The following PDP2 variants were observed in gnomAD, a reference collection of about 807,000 sequenced individuals.
PDP2 encodes [Pyruvate dehydrogenase [acetyl-transferring]]-phosphatase 2, mitochondrial.
A neutral mutation model predicts 34.2 loss-of-function variants in PDP2; 23 were observed. That is an observed-to-expected ratio of 0.67 (90% CI 0.48 to 0.95). The LOEUF (loss-of-function observed/expected upper bound fraction) is 0.95. PDP2 is among the 40% of genes least tolerant of loss of function. PDP2 has a pLI of 0.00. For synonymous variants in PDP2, 275 were observed against 269.2 expected, an observed-to-expected ratio of 1.02 and a Z score of -0.21; for missense variants, 571 against 659.6, an observed-to-expected ratio of 0.87 and a Z score of 1.47.
chr16:66,887,420 T>G lies in PDP2; in HGVS notation c.*1546T>G, dbSNP rs894791853. The G allele has an allele frequency of 1.2e-5, 2 of 167,054 alleles. No individual in the cohort carries two copies. The highest frequency in any genetic ancestry group is 4.8e-5 in the African/African-American group (2 of 41,454). The allele number at this position is 167,054 out of a possible 1,614,324, so 10.3% of individuals were successfully genotyped here. A position where few individuals can be genotyped will look rare whatever the true frequency, so the allele number is the denominator to read the frequency against. ...TTCAATTAAGTTGAACTACATTTGTTGATCCCTTTTCTCATCTTACCCCTT... is the reference window on the plus strand; with the variant it reads ...TTCAATTAAGTTGAACTACATTTGTGGATCCCTTTTCTCATCTTACCCCTT... On this transcript the variant is annotated 3_prime_UTR_variant, in exon 2 of 2. Coordinates refer to ENST00000311765, the MANE Select transcript of PDP2 (RefSeq NM_020786.4).
chr16:66,884,705 G>A lies in PDP2; in HGVS notation c.421G>A (p.Asp141Asn), dbSNP rs1239222072. The change falls in exon 2 of 2, where the codon GAT becomes AAT. Residue 141 changes from aspartate to asparagine, a missense_variant. Coordinates refer to ENST00000311765, the MANE Select transcript of PDP2 (RefSeq NM_020786.4). ...QTNGLMFGIF[D>N]GHGGHACAQA... ...CAATGGACTGATGTTTGGCATCTTC[G>A]ATGGACATGGTGGTCATGCATGTGC... The A allele has an allele frequency of 5.0e-6, 8 of 1,614,174 alleles. No homozygotes were observed. Among genetic ancestry groups the A allele is most frequent in the Middle Eastern group, 1.6e-4 (1 of 6,062 alleles).
chr16:66,885,629 G>C lies in PDP2; in HGVS notation c.1345G>C (p.Gly449Arg), dbSNP rs139998294. Residue 449 changes from glycine (G) to arginine (R), a missense_variant, in exon 2 of 2, where the codon GGG (glycine) becomes CGG (arginine). Around this residue, in one of 2 missense-constraint regions of PDP2, gnomAD observed 281 missense variants for 375.8 expected, o/e 0.75. Coordinates refer to ENST00000311765, the MANE Select transcript of PDP2 (RefSeq NM_020786.4). The surrounding 1 kb of genome is among the most constrained non-coding windows in gnomAD (Gnocchi z 4.6). ...TDLAQRPANLGLMQSLLLQRK... is the reference protein window; with the variant it reads ...TDLAQRPANLRLMQSLLLQRK... Reference sequence around the variant, plus strand: ...CCTGGCCCAGAGACCCGCCAACTTGGGGCTCATGCAGAGCCTGCTGCTGCA... The same window carrying C: ...CCTGGCCCAGAGACCCGCCAACTTGCGGCTCATGCAGAGCCTGCTGCTGCA... 1.2e-4 allele frequency: 194 copies of C among 1,614,056 alleles called. 1 individual carries two copies. In the African/African-American group the frequency reaches 2.0e-3, roughly 17 times the overall value.
intron 1 of PDP2, among the ~76,000 whole-genome samples, chr16:66,882,616 T>G (rs1162680390): frequency 6.6e-6 from 1 of 151,580 alleles, no homozygotes; most frequent in Non-Finnish European, 1.5e-5. Context: ...ATAACTGGAG[T>G]GTTACCTCAT....
In PDP2 at chr16:66,884,591, C is replaced by T; in HGVS notation, c.307C>T (p.Pro103Ser). Reference sequence around the variant, plus strand: ...GATTCTTGACCTTGAAAGCAGAGTCCCAAATTCAGTGTTGCGGTTTGAGAG... The same window carrying T: ...GATTCTTGACCTTGAAAGCAGAGTCTCAAATTCAGTGTTGCGGTTTGAGAG... ...HKILDLESRV[P>S]NSVLRFESNQ... The change falls in exon 2 of 2, where the codon CCA becomes TCA. Residue 103 changes from proline to serine, a missense_variant. By Grantham distance (74) the Pro-to-Ser change is moderately conservative. Around this residue, in one of 2 missense-constraint regions of PDP2, gnomAD observed 290 missense variants for 283.8 expected, o/e 1.02. Coordinates refer to ENST00000311765, the MANE Select transcript of PDP2 (RefSeq NM_020786.4). 3.1e-6 allele frequency: 5 copies of T among 1,614,230 alleles called. No individual in the cohort carries two copies. The highest frequency in any genetic ancestry group is 4.2e-6 in the Non-Finnish European group (5 of 1,180,048).
Position 66,885,577 on chromosome 16 carries a change from G to C in PDP2, c.1293G>C (p.Leu431=). 12 of 1,614,112 alleles carry C rather than the reference G, an allele frequency of 7.4e-6. No individual in the cohort carries two copies. The highest frequency in any genetic ancestry group is 8.5e-6 in the Non-Finnish European group (10 of 1,180,034). ...TGGTAAGGCTGGTGGTGGGGCACCTGGCTGAGGCAGATTGGCACAAGACAG... is the reference window on the plus strand; with the variant it reads ...TGGTAAGGCTGGTGGTGGGGCACCTCGCTGAGGCAGATTGGCACAAGACAG... ...EDVVRLVVGH[L]AEADWHKTDL... The change falls in exon 2 of 2, where the codon CTG becomes CTC. Residue 431 remains leucine (L), a synonymous_variant. Transcript: ENST00000311765. This position sits in a 1 kb window ranked among gnomAD's most constrained non-coding sequence, Gnocchi z 4.6.
chr16:66,890,428 T>C lies in PDP2; in HGVS notation c.*4554T>C, dbSNP rs1007862541. On this transcript the variant is annotated 3_prime_UTR_variant, in exon 2 of 2. Transcript: ENST00000311765. ...TGAGGTATGTTAATATATAAACATC[T>C]TTTTCCTTTGGCCTAAAAGGTCTTT... 1 of 152,348 alleles carries C rather than the reference T, an allele frequency of 6.6e-6. No homozygotes were observed. Among genetic ancestry groups the C allele is most frequent in the African/African-American group, 2.4e-5 (1 of 41,578 alleles). The allele number at this position is 152,348 out of a possible 1,614,324, so 9.4% of individuals were successfully genotyped here.
Position 66,887,730 on chromosome 16 carries a change from A to G in PDP2, c.*1856A>G, listed in dbSNP as rs1427910444. The stretch of plus-strand genomic sequence containing the variant: ...CACTGTGGGAGGCCGAGGCGGATGG[A>G]TCACCTGAGGTCGGGAATTCGAGAC... On this transcript the variant is annotated 3_prime_UTR_variant, in exon 2 of 2. Coordinates refer to ENST00000311765, the MANE Select transcript of PDP2 (RefSeq NM_020786.4). 1 of 166,350 alleles carries G rather than the reference A, an allele frequency of 6.0e-6. No homozygotes were observed. The highest frequency in any genetic ancestry group is 1.5e-5 in the Non-Finnish European group (1 of 68,132). The allele number at this position is 166,350 out of a possible 1,614,324, so 10.3% of individuals were successfully genotyped here. A position where few individuals can be genotyped will look rare whatever the true frequency, so the allele number is the denominator to read the frequency against.
Position 66,884,639 on chromosome 16 carries a change from C to T in PDP2, c.355C>T (p.Pro119Ser), listed in dbSNP as rs1961663508. ...GAGCAACCAGCTGGCTGCCAATTCCCCAGTGGAGGACCGGCGAGGTGTAGC... is the reference window on the plus strand; with the variant it reads ...GAGCAACCAGCTGGCTGCCAATTCCTCAGTGGAGGACCGGCGAGGTGTAGC... ...FESNQLAANS[P>S]VEDRRGVASC... is the part of the protein sequence containing the mutation. Residue 119 changes from proline (P) to serine (S), a missense_variant, in exon 2 of 2, where the codon CCA becomes TCA. Pro to Ser is a moderately conservative substitution (Grantham distance 74, BLOSUM62 -1). Around this residue, in one of 2 missense-constraint regions of PDP2, gnomAD observed 290 missense variants for 283.8 expected, o/e 1.02. Coordinates refer to ENST00000311765, the MANE Select transcript of PDP2 (RefSeq NM_020786.4). 6.2e-7 allele frequency: 1 copy of T among 1,614,112 alleles called. No individual in the cohort carries two copies. The highest frequency in any genetic ancestry group is 8.5e-7 in the Non-Finnish European group (1 of 1,180,046).
rs1299543496 is a variant in PDP2 at position 66,889,829 on chromosome 16, A to G, written c.*3955A>G. On this transcript the variant is annotated 3_prime_UTR_variant, in exon 2 of 2. Coordinates refer to ENST00000311765, the MANE Select transcript of PDP2 (RefSeq NM_020786.4). ...AAAAAAAAAAATAGCCAGGTGTGGC[A>G]CATGCCTGTAGTCTCAGCTGCTTGG... is the stretch of plus-strand genomic sequence containing the variant. 1.3e-5 allele frequency: 2 copies of G among 151,326 alleles called. No individual in the cohort carries two copies. The highest frequency in any genetic ancestry group is 3.9e-4 in the East Asian group (2 of 5,158). 9.4% of individuals were successfully genotyped at this position (151,326 alleles called of 1,614,324 possible).
chr16:66,881,343 G>A (rs1159172782), intron 1 of PDP2, among the ~76,000 whole-genome samples: 1 of 151,856 alleles, frequency 6.6e-6, no homozygotes, highest in African/African-American at 2.4e-5. Flanking sequence ...TTGAGGTCCC[G>A]ACAAATGATC....
rs757584581 is a variant in PDP2, at chr16:66,884,509, G to A, written c.225G>A (p.Leu75=). 4 of 1,614,196 alleles carry A rather than the reference G, an allele frequency of 2.5e-6. No homozygotes were observed. Among genetic ancestry groups the A allele is most frequent in the Middle Eastern group, 1.6e-4 (1 of 6,062 alleles). ...CAACAGAGGAAGATGATTTTCACTTGCAACTCAGCCCTGAGCAGATAAATG... is the reference window on the plus strand; with the variant it reads ...CAACAGAGGAAGATGATTTTCACTTACAACTCAGCCCTGAGCAGATAAATG... ...HTSTEEDDFH[L]QLSPEQINEV... Residue 75 remains leucine, a synonymous_variant, in exon 2 of 2, where the codon TTG becomes TTA. Transcript: ENST00000311765.
At position 66,888,740 on chromosome 16, in the gene PDP2, T is replaced by G. The variant is rs1244356492; in HGVS notation, c.*2866T>G. On this transcript the variant is annotated 3_prime_UTR_variant, in exon 2 of 2. Coordinates refer to ENST00000311765, the MANE Select transcript of PDP2 (RefSeq NM_020786.4). Reference sequence around the variant, plus strand: ...TAAACCCTGGAGTATCCTTGAAGCCTTTACTGGCATACAGAGTACCTGAAT... The same window carrying G: ...TAAACCCTGGAGTATCCTTGAAGCCGTTACTGGCATACAGAGTACCTGAAT... 1.3e-5 allele frequency: 2 copies of G among 152,230 alleles called. No homozygotes were observed. The highest frequency in any genetic ancestry group is 2.9e-5 in the Non-Finnish European group (2 of 68,042). 9.4% of individuals were successfully genotyped at this position (152,230 alleles called of 1,614,324 possible).
Position 66,885,361 on chromosome 16 carries a change from G to T in PDP2, c.1077G>T (p.Leu359Phe), listed in dbSNP as rs1215652558. ...GDVQLKWSKE[L>F]QRSILERGFN... ...TTCAGCTGAAGTGGAGTAAAGAGTT[G>T]CAGCGCAGCATTCTGGAGAGGGGCT... Residue 359 changes from leucine to phenylalanine, a missense_variant, in exon 2 of 2, where the codon TTG (leucine) becomes TTT (phenylalanine). Leu to Phe is a conservative substitution (Grantham distance 22). This residue lies in a region of PDP2 where 281 missense variants were observed against 375.8 expected (regional missense o/e 0.75). Transcript: ENST00000311765. The surrounding 1 kb of genome is among the most constrained non-coding windows in gnomAD (Gnocchi z 4.6). The T allele has an allele frequency of 1.9e-6, 3 of 1,614,070 alleles. No homozygotes were observed. Among genetic ancestry groups the T allele is most frequent in the East Asian group, 2.2e-5 (1 of 44,882 alleles).
At chr16:66,881,009 C>T (rs1473885501) in intron 1 of PDP2, among the ~76,000 whole-genome samples, 2 of 152,340 alleles carry the variant, frequency 1.3e-5, no homozygotes, top group African/African-American at 4.8e-5. Flanking sequence ...AGGCACCAAG[C>T]GGGTCGCCCG....
At position 66,887,990 on chromosome 16, in the gene PDP2, C is replaced by T. The variant is rs954661635; in HGVS notation, c.*2116C>T. ...AAAAAATCCATCTTATCTCTTAGTC[C>T]GTCCTTCCTTCCTTCCTTCCTTCCT... On this transcript the variant is annotated 3_prime_UTR_variant, in exon 2 of 2. Transcript: ENST00000311765. 1.9e-5 allele frequency: 1 copy of T among 54,026 alleles called. No individual in the cohort carries two copies. The highest frequency in any genetic ancestry group is 5.9e-5 in the African/African-American group (1 of 16,824). The allele number at this position is 54,026 out of a possible 1,614,324, so 3.3% of individuals were successfully genotyped here.
At position 66,886,159 on chromosome 16, in the gene PDP2, ATGT is replaced by A. The variant is rs1241463303; in HGVS notation, c.*290_*292del. On this transcript the variant is annotated 3_prime_UTR_variant, in exon 2 of 2. Coordinates refer to ENST00000311765, the MANE Select transcript of PDP2 (RefSeq NM_020786.4). ...GTGTAGCCCCAGTCATTTGATAAAG[ATGT>A]TGTTAAACTGTGTCAGCCTGAGCCT... 4 of 358,322 alleles carry A rather than the reference ATGT, an allele frequency of 1.1e-5. No homozygotes were observed. Among genetic ancestry groups the A allele is most frequent in the South Asian group, 4.0e-5 (1 of 24,872 alleles). 22.2% of individuals were successfully genotyped at this position (358,322 alleles called of 1,614,324 possible).
chr16:66,884,559 C>T lies in PDP2; in HGVS notation c.275C>T (p.Thr92Ile), dbSNP rs374520518. The T allele has an allele frequency of 7.4e-6, 12 of 1,614,076 alleles. No individual in the cohort carries two copies. Among genetic ancestry groups the T allele is most frequent in the Admixed American group, 1.7e-5 (1 of 60,000 alleles). The change falls in exon 2 of 2, where the codon ACC becomes ATC. Residue 92 changes from threonine (T) to isoleucine (I), a missense_variant. Thr to Ile is a moderately conservative substitution (Grantham distance 89, BLOSUM62 -1). This residue lies in a region of PDP2 where 290 missense variants were observed against 283.8 expected (regional missense o/e 1.02). Coordinates refer to ENST00000311765, the MANE Select transcript of PDP2 (RefSeq NM_020786.4). Reference sequence around the variant, plus strand: ...GAAGTGCTTCGAGCTGGCGAGACAACCCACAAGATTCTTGACCTTGAAAGC... The same window carrying T: ...GAAGTGCTTCGAGCTGGCGAGACAATCCACAAGATTCTTGACCTTGAAAGC... ...INEVLRAGETTHKILDLESRV... is the reference protein window; with the variant it reads ...INEVLRAGETIHKILDLESRV...
In PDP2 at chr16:66,890,839, ACTAT is replaced by A. The variant is rs1389492050; in HGVS notation, c.*4968_*4971del. 1.3e-5 allele frequency: 2 copies of A among 152,202 alleles called. No individual in the cohort carries two copies. Among genetic ancestry groups the A allele is most frequent in the Admixed American group, 1.3e-4 (2 of 15,272 alleles). The allele number at this position is 152,202 out of a possible 1,614,324, so 9.4% of individuals were successfully genotyped here. A position where few individuals can be genotyped will look rare whatever the true frequency, so the allele number is the denominator to read the frequency against. ...GCCTGTGATGAGAGCTGCCCCTGGC[ACTAT>A]CTGAGTGGAAAGCTCATTGGGACAG... is the stretch of plus-strand genomic sequence containing the variant. On this transcript the variant is annotated 3_prime_UTR_variant, in exon 2 of 2. Transcript: ENST00000311765.
rs1176984139 is a variant in PDP2, at chr16:66,886,294, A to G, written c.*420A>G. 2 of 241,640 alleles carry G rather than the reference A, an allele frequency of 8.3e-6. No individual in the cohort carries two copies. The highest frequency in any genetic ancestry group is 1.2e-4 in the South Asian group (2 of 17,010). The allele number at this position is 241,640 out of a possible 1,614,324, so 15.0% of individuals were successfully genotyped here. ...TGATAATTCTCCTGAATTCACAATC[A>G]TGGACTTGTAGACTATGAAGAGATA... On this transcript the variant is annotated 3_prime_UTR_variant, in exon 2 of 2. Coordinates refer to ENST00000311765, the MANE Select transcript of PDP2 (RefSeq NM_020786.4).
Sources: gnomAD v4.1 joint callset for allele counts (sites outside exome capture counted in the v4.1 genomes callset) on GRCh38, gnomAD v4.1.1 for gene constraint, gnomAD v4.1.1 regional missense constraint, Gnocchi (gnomAD v3.1) non-coding constraint, MANE v1.5 for transcripts, NCBI Gene and HGNC (gene_info 2026-07-23, HGNC 2026-07-21) for gene names.